EPHA6: variants seen among roughly 807,000 people sequenced by gnomAD.
EPHA6 encodes EPH receptor A6, also known as ephrin type-A receptor 6.
EPHA6 carries 50 observed loss-of-function variants against 112.0 expected under a neutral mutation model. The ratio of observed to expected loss-of-function variants is 0.45; its 90% CI spans 0.36 to 0.56. The LOEUF is 0.56. Among genes scored for constraint, EPHA6 ranks in the 20% least tolerant of loss-of-function variants. The pLI is 0.00. For synonymous variants in EPHA6, 529 were observed against 490.7 expected, an observed-to-expected ratio of 1.08 and a Z score of -1.03; for missense variants, 1,280 against 1,417.4, an observed-to-expected ratio of 0.90 and a Z score of 1.56.
intron 13 of EPHA6, among the ~76,000 whole-genome samples, chr3:97,633,326 A>G (rs983020626): frequency 2.0e-5 from 3 of 152,070 alleles, no homozygotes; most frequent in East Asian, 1.9e-4. Context: ...AATTCCAGCT[A>G]CTAATCTCTG....
intron 1 of EPHA6, among the ~76,000 whole-genome samples, chr3:96,866,539 C>A (rs1453300399): frequency 6.6e-6 from 1 of 151,764 alleles, no homozygotes; most frequent in African/African-American, 2.4e-5. Flanking sequence ...TTTTAAACAT[C>A]TGCTATTAAA....
chr3:96,836,119 A>T (rs748145880), intron 1 of EPHA6, among the ~76,000 whole-genome samples: 1 of 151,922 alleles, frequency 6.6e-6, no homozygotes, highest in Non-Finnish European at 1.5e-5. Context: ...ATCTCTGTGA[A>T]TTTTTTCATA....
intron 5 of EPHA6, among the ~76,000 whole-genome samples, chr3:97,253,140 A>G (rs1426892119): frequency 1.1e-4 from 17 of 152,234 alleles, no homozygotes. Flanking sequence ...CTGATTCAAT[A>G]TACATTTTCA....
intron 3 of EPHA6, among the ~76,000 whole-genome samples, chr3:97,190,981 T>C (rs2077290779): frequency 6.6e-6 from 1 of 152,128 alleles, no homozygotes. Context: ...CTCTTGAATG[T>C]ATTTTTCTTG....
intron 3 of EPHA6, among the ~76,000 whole-genome samples, chr3:97,169,132 T>G (rs1199907899): frequency 6.6e-6 from 1 of 152,182 alleles, no homozygotes; most frequent in Non-Finnish European, 1.5e-5. Flanking sequence ...TCCTTCAGCG[T>G]TGAAAGAGGT....
intron 2 of EPHA6, among the ~76,000 whole-genome samples, chr3:96,872,919 G>A (rs2036718349): frequency 6.6e-6 from 1 of 152,050 alleles, no homozygotes; most frequent in Non-Finnish European, 1.5e-5. Flanking sequence ...AGCAATGTCT[G>A]TGTCATTATT....
intron 5 of EPHA6, among the ~76,000 whole-genome samples, chr3:97,366,172 G>T (rs1473445982): frequency 6.6e-6 from 1 of 152,120 alleles, no homozygotes; most frequent in Admixed American, 6.5e-5. Context: ...TACACATTGT[G>T]ATTTATTGAT....
chr3:97,486,549 T>C (rs2091703506), intron 10 of EPHA6, among the ~76,000 whole-genome samples: 1 of 152,114 alleles, frequency 6.6e-6, no homozygotes, highest in Non-Finnish European at 1.5e-5. Context: ...TGCTGCATCA[T>C]AACATGGTGG....
At chr3:97,191,847 A>G (rs1388943747) in intron 3 of EPHA6, among the ~76,000 whole-genome samples, 1 of 152,138 alleles carries the variant, frequency 6.6e-6, no homozygotes, top group Non-Finnish European at 1.5e-5. Context: ...GTATATATCT[A>G]GAAGTTGGAT....
At chr3:96,818,142 G>C (rs1176499762) in intron 1 of EPHA6, among the ~76,000 whole-genome samples, 2 of 151,886 alleles carry the variant, frequency 1.3e-5, no homozygotes, top group Admixed American at 1.3e-4. Flanking sequence ...ATCTTTTCAA[G>C]GAATATAGCC....
chr3:97,000,239 CAATTACCATGTGTGTATGT>C (rs1490516443), intron 3 of EPHA6, among the ~76,000 whole-genome samples: 1 of 149,888 alleles, frequency 6.7e-6, no homozygotes, highest in Non-Finnish European at 1.5e-5. Flanking sequence ...GGGTCTATTC[CAATTACCATGTGTGTATGT>C]ATAAACACAC....
chr3:96,850,423 A>G, intron 1 of EPHA6, among the ~76,000 whole-genome samples: 1 of 152,242 alleles, frequency 6.6e-6, no homozygotes, highest in Non-Finnish European at 1.5e-5. Flanking sequence ...TAGAAAGGGT[A>G]CTGTCTCAAA....
chr3:97,587,553 G>A (rs920836165), intron 11 of EPHA6, among the ~76,000 whole-genome samples: 16 of 152,028 alleles, frequency 1.1e-4, no homozygotes, highest in African/African-American at 2.2e-4. Flanking sequence ...TTGATTTCAC[G>A]TAATAATCAC....
intron 2 of EPHA6, among the ~76,000 whole-genome samples, chr3:96,877,620 T>A (rs921190055): frequency 2.9e-5 from 4 of 140,082 alleles, no homozygotes; most frequent in African/African-American, 1.1e-4. Flanking sequence ...CCAGTGAAAC[T>A]TTCAAAAAAC....
chr3:97,198,315 A>G (rs2077492228), intron 3 of EPHA6, among the ~76,000 whole-genome samples: 1 of 152,064 alleles, frequency 6.6e-6, no homozygotes, highest in African/African-American at 2.4e-5. Context: ...AGTGGTTATG[A>G]CCCATGCAAA....
chr3:97,245,725 G>A (rs2078969489), intron 5 of EPHA6, among the ~76,000 whole-genome samples: 1 of 151,810 alleles, frequency 6.6e-6, no homozygotes, highest in Admixed American at 6.6e-5. Flanking sequence ...ATTTGGAGGA[G>A]GGCAGTGTGG....
intron 3 of EPHA6, among the ~76,000 whole-genome samples, chr3:97,168,093 T>C (rs2076585297): frequency 6.6e-6 from 1 of 152,124 alleles, no homozygotes; most frequent in Admixed American, 6.6e-5. Context: ...TTCATCCTTT[T>C]CACATGATGG....
At chr3:97,072,733 TCA>T (rs373624099) in intron 3 of EPHA6, among the ~76,000 whole-genome samples, 92 of 152,230 alleles carry the variant, frequency 6.0e-4, no homozygotes, top group African/African-American at 2.1e-3. Context: ...AATTTGCAAG[TCA>T]CTTATTTTTG....
intron 5 of EPHA6, among the ~76,000 whole-genome samples, chr3:97,375,482 T>G (rs1010517579): frequency 2.6e-5 from 4 of 152,124 alleles, no homozygotes; most frequent in African/African-American, 9.7e-5. Flanking sequence ...TTCAGTTATA[T>G]TGTATAAAGT....
Sources: gnomAD v4.1 joint callset for allele counts (sites outside exome capture counted in the v4.1 genomes callset) on GRCh38, gnomAD v4.1.1 for gene constraint, MANE v1.5 for transcripts, NCBI Gene and HGNC (gene_info 2026-07-23, HGNC 2026-07-21) for gene names.